The following DPP10 variants were observed in gnomAD, a reference collection of about 807,000 sequenced individuals.
DPP10 encodes the protein dipeptidyl peptidase like 10, also known as inactive dipeptidyl peptidase 10.
A neutral mutation model predicts 120.9 loss-of-function variants in DPP10; 33 were observed. That is an observed-to-expected ratio of 0.27 (90% CI 0.21 to 0.37). The LOEUF is 0.37. Among genes scored for constraint, DPP10 ranks in the 10% least tolerant of loss-of-function variants. The probability of loss-of-function intolerance (pLI) is 1.00; values close to 1 mark genes in which losing one functional copy is unlikely to be tolerated. For missense variants in DPP10, 816 were observed against 942.8 expected (o/e 0.87, Z 1.76); for synonymous variants, 337 against 326.1 (o/e 1.03, Z -0.36).
At chr2:115,018,970 G>A (rs780867121) in intron 1 of DPP10, among the ~76,000 whole-genome samples, 3 of 151,804 alleles carry the variant, frequency 2.0e-5, no homozygotes, top group Non-Finnish European at 1.5e-5. Context: ...CATCACTCCC[G>A]GGGAGGAGCC....
intron 1 of DPP10, among the ~76,000 whole-genome samples, chr2:114,620,667 A>G (rs183929340): frequency 6.2e-4 from 95 of 152,208 alleles, no homozygotes; most frequent in Middle Eastern, 3.4e-3. Flanking sequence ...TAAAGAGTAT[A>G]TTCAGAGAGT....
At chr2:114,919,521 T>C (rs887816855) in intron 1 of DPP10, among the ~76,000 whole-genome samples, 4 of 152,210 alleles carry the variant, frequency 2.6e-5, no homozygotes, top group Admixed American at 2.6e-4. Context: ...ATTTTTTAAA[T>C]TTTTTTCATT....
chr2:115,570,961 G>C (rs528656156), intron 5 of DPP10, among the ~76,000 whole-genome samples: 3 of 152,132 alleles, frequency 2.0e-5, no homozygotes, highest in Non-Finnish European at 4.4e-5. Flanking sequence ...ACCACAGGAC[G>C]GAGAGGGGAG....
intron 1 of DPP10, among the ~76,000 whole-genome samples, chr2:115,133,439 G>T (rs1159123122): frequency 6.6e-6 from 1 of 152,032 alleles, no homozygotes; most frequent in Non-Finnish European, 1.5e-5. Context: ...TGGGCATTTA[G>T]ATAAGTTTTC....
intron 5 of DPP10, among the ~76,000 whole-genome samples, chr2:115,588,623 T>G (rs964593146): frequency 1.3e-5 from 2 of 152,192 alleles, no homozygotes; most frequent in Admixed American, 1.3e-4. Flanking sequence ...ACAAAGGGTG[T>G]TTTTAAATGT....
intron 3 of DPP10, among the ~76,000 whole-genome samples, chr2:115,434,355 A>G (rs1328757563): frequency 2.6e-5 from 4 of 151,900 alleles, no homozygotes; most frequent in Admixed American, 2.0e-4. Flanking sequence ...TAGTTGACTG[A>G]ACACTTGCTT....
chr2:114,838,013 A>G lies in DPP10; in HGVS notation c.60+395175A>G, dbSNP rs143413768. 3.7e-3 allele frequency among the ~76,000 whole-genome samples: 571 copies of G among 152,332 alleles called. 4 individuals are homozygous for G. The highest frequency in any genetic ancestry group is 5.7e-3 in the Non-Finnish European group (386 of 68,028). ...TTAATTTCTCAATCATGCAAGTCCA[A>G]TGAAAGTGTACTAGGTGGCTTTTCT... On this transcript the variant is annotated intron_variant, in intron 1 of 25. Transcript: ENST00000410059.
chr2:115,412,497 A>C (rs1228621739), intron 3 of DPP10, among the ~76,000 whole-genome samples: 1 of 152,206 alleles, frequency 6.6e-6, no homozygotes, highest in African/African-American at 2.4e-5. Context: ...GGTTCATCGA[A>C]ATTTAAATTT....
chr2:114,730,932 G>A (rs1489865075), intron 1 of DPP10, among the ~76,000 whole-genome samples: 1 of 149,828 alleles, frequency 6.7e-6, no homozygotes, highest in Non-Finnish European at 1.5e-5. Context: ...CTTGCTGTGA[G>A]CCACGGAAGA....
chr2:115,256,949 C>T (rs776302689), intron 1 of DPP10, among the ~76,000 whole-genome samples: 21 of 152,152 alleles, frequency 1.4e-4, no homozygotes, highest in Non-Finnish European at 2.5e-4. Flanking sequence ...TCTGAAGTTC[C>T]ACCTTCCACA....
intron 1 of DPP10, among the ~76,000 whole-genome samples, chr2:114,736,103 C>T (rs1677406365): frequency 6.6e-6 from 1 of 151,876 alleles, no homozygotes; most frequent in Non-Finnish European, 1.5e-5. Context: ...TTGGAAGAAG[C>T]ATCTAAGTCA....
rs544622517 is a variant in DPP10, at chr2:114,485,849, A to C, written c.60+43011A>C. On this transcript the variant is annotated intron_variant, in intron 1 of 25. Coordinates refer to ENST00000410059, the MANE Select transcript of DPP10 (RefSeq NM_020868.6). Reference sequence around the variant, plus strand: ...CAATTATCTGAACTTCCACCAAGGGAAAGCATATATACCCTAGGATTAGAG... The same window carrying C: ...CAATTATCTGAACTTCCACCAAGGGCAAGCATATATACCCTAGGATTAGAG... Among the ~76,000 whole-genome samples the C allele has an allele frequency of 3.3e-5, 5 of 152,212 alleles. No individual in the cohort carries two copies. In the South Asian group the frequency reaches 1.0e-3, roughly 32 times the overall value.
chr2:115,317,017 C>T (rs546381759), intron 2 of DPP10, among the ~76,000 whole-genome samples: 306 of 152,248 alleles, frequency 2.0e-3, no homozygotes, highest in African/African-American at 6.5e-3. Flanking sequence ...TTGCTTGAGA[C>T]GGAGAAGTTG....
intron 1 of DPP10, among the ~76,000 whole-genome samples, chr2:115,035,316 A>G (rs1704153971): frequency 6.6e-6 from 1 of 152,204 alleles, no homozygotes; most frequent in Non-Finnish European, 1.5e-5. Flanking sequence ...CTGTCTCCTC[A>G]GGGTTTCTAT....
At chr2:115,476,356 TG>T (rs1384951389) in intron 3 of DPP10, among the ~76,000 whole-genome samples, 1 of 152,124 alleles carries the variant, frequency 6.6e-6, no homozygotes, top group East Asian at 1.9e-4. Context: ...CCACCATAAT[TG>T]TAAGCTTCCT....
intron 1 of DPP10, among the ~76,000 whole-genome samples, chr2:115,236,881 A>T (rs2058033071): frequency 6.6e-6 from 1 of 152,144 alleles, no homozygotes; most frequent in African/African-American, 2.4e-5. Context: ...TGCATTTCAC[A>T]GTGAGTTAAG....
chr2:114,873,644 T>C (rs1312380079), intron 1 of DPP10, among the ~76,000 whole-genome samples: 2 of 152,084 alleles, frequency 1.3e-5, no homozygotes, highest in African/African-American at 2.4e-5. Context: ...CTACGCACTG[T>C]GTCCTTCATA....
intron 1 of DPP10, among the ~76,000 whole-genome samples, chr2:115,005,629 G>T (rs1701765567): frequency 6.6e-6 from 1 of 152,050 alleles, no homozygotes; most frequent in Non-Finnish European, 1.5e-5. Flanking sequence ...AATGGAAGAT[G>T]AAATGAATGA....
At chr2:114,517,520 T>C (rs1684696090) in intron 1 of DPP10, among the ~76,000 whole-genome samples, 1 of 91,226 alleles carries the variant, frequency 1.1e-5, no homozygotes, top group South Asian at 3.3e-4. Context: ...AGACTCCGTC[T>C]CAAAAAAAAA....
Sources: allele counts gnomAD v4.1 joint callset (sites outside exome capture counted in the v4.1 genomes callset), GRCh38; gene constraint gnomAD v4.1.1; transcripts MANE v1.5; gene names NCBI Gene and HGNC (gene_info 2026-07-23, HGNC 2026-07-21).